Variants in CAPRIN2 observed in about 807,000 individuals in gnomAD.
CAPRIN2 encodes the protein caprin family member 2, also known as caprin-2.
CAPRIN2 carries 66 observed loss-of-function variants against 130.4 expected under a neutral mutation model. The ratio of observed to expected loss-of-function variants is 0.51; its 90% CI spans 0.42 to 0.62. The LOEUF is 0.62. Among genes scored for constraint, CAPRIN2 ranks in the 20% least tolerant of loss-of-function variants. CAPRIN2 has a pLI of 0.00. For synonymous variants in CAPRIN2, 471 were observed against 444.1 expected (o/e 1.06, Z -0.76); for missense variants, 1,185 against 1,246.6 (o/e 0.95, Z 0.74).
At chr12:30,735,063 C>G in exon 4 of CAPRIN2, 1 of 1,614,086 alleles carries the variant, frequency 6.2e-7, no homozygotes, top group Non-Finnish European at 8.5e-7. Context: ...CATTCAAACC[C>G]CCTTTGAAGT....
intron 9 of CAPRIN2, among the ~76,000 whole-genome samples, chr12:30,724,888 G>A (rs1441476401): frequency 6.6e-6 from 1 of 152,130 alleles, no homozygotes; most frequent in East Asian, 1.9e-4. Context: ...CAGATGCTCA[G>A]GAGGCTAAAA....
chr12:30,731,577 C>G (rs967068955), intron 5 of CAPRIN2, 67 bp from the exon 7 acceptor site: 1 of 1,272,084 alleles, frequency 7.9e-7, no homozygotes, highest in Non-Finnish European at 1.1e-6. Context: ...AATAGAAATC[C>G]TAATTTTATC....
chr12:30,718,607 AC>A (rs1224078015), intron 12 of CAPRIN2, among the ~76,000 whole-genome samples: 1 of 152,256 alleles, frequency 6.6e-6, no homozygotes, highest in East Asian at 1.9e-4. Flanking sequence ...AAAACACCAC[AC>A]AAATCTGAAC....
At chr12:30,711,854 C>T in intron 15 of CAPRIN2, 1 of 661,700 alleles carries the variant, frequency 1.5e-6, no homozygotes, top group Non-Finnish European at 2.8e-6. Flanking sequence ...CCAATCAGAT[C>T]TGTTAATACC....
intron 14 of CAPRIN2, 64 bp downstream of exon 16, chr12:30,714,895 G>C (rs2056909937): frequency 2.3e-6 from 3 of 1,328,776 alleles, no homozygotes; most frequent in Non-Finnish European, 3.2e-6. Context: ...GGTAAAAATG[G>C]TGTGAGTCAA....
chr12:30,719,139 T>G (rs1447054994), intron 12 of CAPRIN2: 1 of 1,614,034 alleles, frequency 6.2e-7, no homozygotes, highest in South Asian at 1.1e-5. Context: ...TTGCTGGAGG[T>G]GACTGGAAGC....
chr12:30,733,212 A>G (rs1418807589), intron 5 of CAPRIN2, among the ~76,000 whole-genome samples: 1 of 152,156 alleles, frequency 6.6e-6, no homozygotes, highest in Non-Finnish European at 1.5e-5. Flanking sequence ...ATCAATAGAC[A>G]ACGTTTCAAT....
intron 8 of CAPRIN2, among the ~76,000 whole-genome samples, chr12:30,728,215 A>G (rs1482759495): frequency 6.6e-6 from 1 of 152,168 alleles, no homozygotes; most frequent in African/African-American, 2.4e-5. Context: ...AAATCTACCC[A>G]CTAAAGAGGG....
At chr12:30,734,095 T>C (rs946505932) in intron 4 of CAPRIN2, among the ~76,000 whole-genome samples, 23 of 152,356 alleles carry the variant, frequency 1.5e-4, no homozygotes, top group Admixed American at 3.9e-4. Flanking sequence ...TAACAAATTA[T>C]GTTTTGCTTA....
exon 1 of CAPRIN2, chr12:30,753,800 G>A (rs776632912): frequency 1.9e-6 from 3 of 1,556,128 alleles, no homozygotes; most frequent in African/African-American, 1.4e-5. Context: ...TAGCCAATAA[G>A]GATAGCCTTT....
intron 6 of CAPRIN2, among the ~76,000 whole-genome samples, chr12:30,730,761 A>C (rs2062411744): frequency 6.6e-6 from 1 of 152,152 alleles, no homozygotes; most frequent in South Asian, 2.1e-4. Context: ...AACATGGAAA[A>C]TGGTTTCGCT....
At chr12:30,717,081 C>G (rs1020025453) in intron 12 of CAPRIN2, among the ~76,000 whole-genome samples, 3 of 152,172 alleles carry the variant, frequency 2.0e-5, no homozygotes, top group African/African-American at 7.2e-5. Flanking sequence ...AATTCCATTT[C>G]TAGGTATATA....
intron 2 of CAPRIN2, among the ~76,000 whole-genome samples, chr12:30,746,306 CA>C (rs1442279289): frequency 6.6e-6 from 1 of 152,188 alleles, no homozygotes; most frequent in East Asian, 1.9e-4. Flanking sequence ...CTAAGAGGAT[CA>C]CTTGAGCCCA....
chr12:30,722,790 C>T (rs936866529), intron 11 of CAPRIN2, among the ~76,000 whole-genome samples: 1 of 152,040 alleles, frequency 6.6e-6, no homozygotes, highest in Non-Finnish European at 1.5e-5. Context: ...ATCCCAGCTA[C>T]TCGGGAGGCT....
intron 12 of CAPRIN2, chr12:30,719,143 T>C: frequency 6.2e-7 from 1 of 1,614,122 alleles, no homozygotes; most frequent in Non-Finnish European, 8.5e-7. Context: ...TGGAGGTGAC[T>C]GGAAGCCCTG....
At chr12:30,733,788 T>C in intron 4 of CAPRIN2, 77 bp from the exon 6 acceptor site, 1 of 895,970 alleles carries the variant, frequency 1.1e-6, no homozygotes, top group South Asian at 1.4e-5. Context: ...TTATGCAATA[T>C]AACCCATTAA....
rs551531845 is a variant in CAPRIN2 at position 30,729,132 on chromosome 12, G to A, written c.1298C>T (p.Ser433Phe). The change falls in exon 8 of 17, where the codon TCC (serine) becomes TTC (phenylalanine). Residue 433 changes from serine to phenylalanine, a missense_variant. Around this residue, in one of 2 missense-constraint regions of CAPRIN2, gnomAD observed 1,104 missense variants for 1,104.3 expected, o/e 1.00. Transcript: ENST00000298892. ...CTGTTCTAAGGAAACTGCAGGCTTG[G>A]ATACCTCCTGGTGCTTACCAGAAGC... 68 of 1,613,912 alleles carry A rather than the reference G, an allele frequency of 4.2e-5. No homozygotes were observed. Among genetic ancestry groups the A allele is most frequent in the Middle Eastern group, 1.6e-4 (1 of 6,082 alleles).
intron 4 of CAPRIN2, 75 bp from the exon 6 acceptor site, chr12:30,733,786 T>C: frequency 1.1e-6 from 1 of 933,560 alleles, no homozygotes; most frequent in South Asian, 1.3e-5. Flanking sequence ...ATTTATGCAA[T>C]ATAACCCATT....
chr12:30,746,410 G>A (rs76744962), intron 2 of CAPRIN2, among the ~76,000 whole-genome samples: 2,247 of 152,122 alleles, frequency 0.015, 64 homozygotes, highest in East Asian at 0.11. Context: ...AACACACACC[G>A]ACAAAAACCA....
Sources: allele counts gnomAD v4.1 joint callset (sites outside exome capture counted in the v4.1 genomes callset), GRCh38; gene constraint gnomAD v4.1.1; regional missense constraint gnomAD v4.1.1; transcripts MANE v1.5; gene names NCBI Gene and HGNC (gene_info 2026-07-23, HGNC 2026-07-21).